Variants in LPCAT1 observed in about 807,000 individuals in gnomAD.
The protein encoded by LPCAT1 is 1-acylglycerol-3-phosphate O-acyltransferase.
A neutral mutation model predicts 60.9 loss-of-function variants in LPCAT1; 23 were observed. That is an observed-to-expected ratio of 0.38 (90% confidence interval 0.27 to 0.53). LPCAT1 has a LOEUF of 0.53. Among genes scored for constraint, LPCAT1 ranks in the 20% least tolerant of loss-of-function variants. The probability of loss-of-function intolerance (pLI) is 0.82; values close to 1 mark genes in which losing one functional copy is unlikely to be tolerated. For missense variants in LPCAT1, 622 were observed against 723.6 expected, an observed-to-expected ratio of 0.86 and a Z score of 1.61; for synonymous variants, 340 against 301.1, an observed-to-expected ratio of 1.13 and a Z score of -1.34.
Position 1,484,992 on chromosome 5 carries a change from G to A in LPCAT1, c.668-1506C>T, listed in dbSNP as rs144932942. ...CCCAGGCTCAAGCCCCAGCTCCAACGCCCGGCAGCCGAGTCCCAGCCCCTG... is the reference window on the plus strand; with the variant it reads ...CCCAGGCTCAAGCCCCAGCTCCAACACCCGGCAGCCGAGTCCCAGCCCCTG... On this transcript the variant is annotated intron_variant, in intron 5 of 13. Coordinates refer to ENST00000283415, the MANE Select transcript of LPCAT1 (RefSeq NM_024830.5). Among the ~76,000 whole-genome samples, 604 of 152,308 alleles carry A rather than the reference G, an allele frequency of 4.0e-3. 4 individuals are homozygous for A. Among genetic ancestry groups the A allele is most frequent in the African/African-American group, 0.014 (569 of 41,560 alleles).
intron 3 of LPCAT1, among the ~76,000 whole-genome samples, chr5:1,490,760 G>C (rs1318523964): frequency 6.6e-6 from 1 of 152,234 alleles, no homozygotes; most frequent in Non-Finnish European, 1.5e-5. Context: ...CTTTATGCAA[G>C]AGGATTGAAC....
intron 1 of LPCAT1, chr5:1,510,668 G>A (rs1028709654): frequency 6.6e-6 from 1 of 152,354 alleles, no homozygotes; most frequent in African/African-American, 2.4e-5. Context: ...CAGCTCCCCT[G>A]TGAGCCAGCT....
At chr5:1,473,873 T>TA in intron 11 of LPCAT1, 84 bp downstream of exon 11, 1 of 1,496,066 alleles carries the variant, frequency 6.7e-7, no homozygotes, top group South Asian at 1.3e-5. Context: ...TGTGAAAATA[T>TA]ATTTATATTA....
rs542810128 is a variant in LPCAT1 at position 1,495,110 on chromosome 5, C to T, written c.279-196G>A. ...TTCCTGGCCTCCGCCTGTGTCCTCG[C>T]TGGCTGCGCTCTCACCTACGAAGGA... On this transcript the variant is annotated intron_variant, in intron 2 of 13. Coordinates refer to ENST00000283415, the MANE Select transcript of LPCAT1 (RefSeq NM_024830.5). The surrounding 1 kb of genome is among the most constrained non-coding windows in gnomAD (Gnocchi z 4.7). 6.6e-6 allele frequency among the ~76,000 whole-genome samples: 1 copy of T among 152,332 alleles called. No individual in the cohort carries two copies. Among genetic ancestry groups the T allele is most frequent in the East Asian group, 1.9e-4 (1 of 5,162 alleles).
chr5:1,510,565 T>C (rs918628733), intron 1 of LPCAT1, among the ~76,000 whole-genome samples: 2 of 152,256 alleles, frequency 1.3e-5, no homozygotes, highest in African/African-American at 4.8e-5. Flanking sequence ...ACGAGGATGC[T>C]GCACGGTGTT....
chr5:1,485,789 A>G (rs1735349436), intron 5 of LPCAT1, among the ~76,000 whole-genome samples: 1 of 151,684 alleles, frequency 6.6e-6, no homozygotes, highest in Non-Finnish European at 1.5e-5. Context: ...AGCCACATCC[A>G]TGTCTGCTCA....
rs1736038825 is a variant in LPCAT1 at position 1,502,133 on chromosome 5, G to A, written c.136-530C>T. Among the ~76,000 whole-genome samples the A allele has an allele frequency of 6.6e-6, 1 of 152,194 alleles. No individual in the cohort carries two copies. The highest frequency in any genetic ancestry group is 6.5e-5 in the Admixed American group (1 of 15,292). On this transcript the variant is annotated intron_variant, in intron 1 of 13. Transcript: ENST00000283415. The surrounding 1 kb of genome is among the most constrained non-coding windows in gnomAD (Gnocchi z 5.5). ...CTGCCCGCTTCCTGCCTCCTTACTG[G>A]AGCTGCCATGCGAGTGGCTTGGGAA... is the stretch of plus-strand genomic sequence containing the variant.
rs1271172692 is a variant in LPCAT1, at chr5:1,483,242, C to T, written c.726+186G>A. Reference sequence around the variant, plus strand: ...AGGCCGCACTCAGGAACGTGCCGAGCCCAGGGCCCGGGCCTGTCCTGCCCT... The same window carrying T: ...AGGCCGCACTCAGGAACGTGCCGAGTCCAGGGCCCGGGCCTGTCCTGCCCT... On this transcript the variant is annotated intron_variant, in intron 6 of 13. Transcript: ENST00000283415. The surrounding 1 kb of genome is among the most constrained non-coding windows in gnomAD (Gnocchi z 9.2). 6.6e-6 allele frequency among the ~76,000 whole-genome samples: 1 copy of T among 152,152 alleles called. No homozygotes were observed. The highest frequency in any genetic ancestry group is 1.5e-5 in the Non-Finnish European group (1 of 68,014).
intron 6 of LPCAT1, among the ~76,000 whole-genome samples, chr5:1,482,056 C>T (rs560819109): frequency 4.6e-5 from 7 of 152,286 alleles, no homozygotes; most frequent in South Asian, 2.1e-4. Flanking sequence ...ACGGGAAGCT[C>T]GCTGTGATGG....
rs1205953680 is a variant in LPCAT1, at chr5:1,477,532, C to A, written c.817-46G>T. The stretch of plus-strand genomic sequence containing the variant: ...CGTTAGTATCACAAGACGCTGACCT[C>A]AGCAACACCACTGTAACGACAACTG... On this transcript the variant is annotated intron_variant, in intron 8 of 13. Coordinates refer to ENST00000283415, the MANE Select transcript of LPCAT1 (RefSeq NM_024830.5). This position sits in a 1 kb window ranked among gnomAD's most constrained non-coding sequence, Gnocchi z 6.0. The A allele has an allele frequency of 7.2e-6, 10 of 1,394,154 alleles. No individual in the cohort carries two copies. The highest frequency in any genetic ancestry group is 1.0e-5 in the Non-Finnish European group (10 of 988,282). 86.4% of individuals were successfully genotyped at this position (1,394,154 alleles called of 1,614,324 possible).
At position 1,522,544 on chromosome 5, in the gene LPCAT1, C is replaced by T. The variant is rs1451529638; in HGVS notation, c.135+1166G>A. 6.6e-6 allele frequency among the ~76,000 whole-genome samples: 1 copy of T among 152,156 alleles called. No individual in the cohort carries two copies. The highest frequency in any genetic ancestry group is 2.4e-5 in the African/African-American group (1 of 41,420). Reference sequence around the variant, plus strand: ...GGCACCATCGGGCTCTCCTGCTCCCCGTCCCCTTCCATACCCTGAGGACCA... The same window carrying T: ...GGCACCATCGGGCTCTCCTGCTCCCTGTCCCCTTCCATACCCTGAGGACCA... On this transcript the variant is annotated intron_variant, in intron 1 of 13. Transcript: ENST00000283415. This position sits in a 1 kb window ranked among gnomAD's most constrained non-coding sequence, Gnocchi z 6.8.
At chr5:1,508,679 T>C (rs910974470) in intron 1 of LPCAT1, among the ~76,000 whole-genome samples, 6 of 152,212 alleles carry the variant, frequency 3.9e-5, no homozygotes, top group African/African-American at 1.4e-4. Flanking sequence ...ACTTGACATA[T>C]GTTTGAAATT....
At chr5:1,491,653 G>A (rs116666228) in intron 3 of LPCAT1, among the ~76,000 whole-genome samples, 1,727 of 152,250 alleles carry the variant, frequency 0.011, 40 homozygotes, top group African/African-American at 0.039. Flanking sequence ...GTGTCACCAC[G>A]CCGTGTGCAC....
rs1286786547 is a variant in LPCAT1 at position 1,495,084 on chromosome 5, C to T, written c.279-170G>A. On this transcript the variant is annotated intron_variant, in intron 2 of 13. Transcript: ENST00000283415. The surrounding 1 kb of genome is among the most constrained non-coding windows in gnomAD (Gnocchi z 4.7). ...CTTGAGGGAAGAAAAGACGCCGCGCCTTCCTGGCCTCCGCCTGTGTCCTCG... is the reference window on the plus strand; with the variant it reads ...CTTGAGGGAAGAAAAGACGCCGCGCTTTCCTGGCCTCCGCCTGTGTCCTCG... Among the ~76,000 whole-genome samples, 1 of 152,210 alleles carries T rather than the reference C, an allele frequency of 6.6e-6. No individual in the cohort carries two copies. The highest frequency in any genetic ancestry group is 1.5e-5 in the Non-Finnish European group (1 of 68,034).
intron 11 of LPCAT1, among the ~76,000 whole-genome samples, chr5:1,472,501 G>A (rs1048113839): frequency 6.6e-6 from 1 of 152,068 alleles, no homozygotes; most frequent in Non-Finnish European, 1.5e-5. Context: ...TCGGGCTGGG[G>A]GTCTGAGGTC....
intron 12 of LPCAT1, among the ~76,000 whole-genome samples, chr5:1,467,740 G>A (rs1207429938): frequency 3.3e-5 from 5 of 151,206 alleles, no homozygotes; most frequent in Admixed American, 2.6e-4. Context: ...CGGGCTCTGT[G>A]GCAGCGCTTT....
chr5:1,496,090 G>A lies in LPCAT1; in HGVS notation c.279-1176C>T, dbSNP rs921712494. The stretch of plus-strand genomic sequence containing the variant: ...AAATGTACTTTTCTGGCCAGGCATG[G>A]TGGCTCACGCCTGTAATCACAGCAC... On this transcript the variant is annotated intron_variant, in intron 2 of 13. Coordinates refer to ENST00000283415, the MANE Select transcript of LPCAT1 (RefSeq NM_024830.5). This position sits in a 1 kb window ranked among gnomAD's most constrained non-coding sequence, Gnocchi z 4.7. 6.6e-5 allele frequency among the ~76,000 whole-genome samples: 10 copies of A among 152,222 alleles called. No individual in the cohort carries two copies. The highest frequency in any genetic ancestry group is 2.4e-4 in the African/African-American group (10 of 41,462).
Position 1,462,296 on chromosome 5 carries a change from A to T in LPCAT1, c.*1355T>A, listed in dbSNP as rs80030792. The T allele has an allele frequency of 8.5e-5, 13 of 152,686 alleles. No homozygotes were observed. Among genetic ancestry groups the T allele is most frequent in the Non-Finnish European group, 1.5e-4 (10 of 68,018 alleles). 9.5% of individuals were successfully genotyped at this position (152,686 alleles called of 1,614,324 possible). ...CTGTGATGATTATTGTGCTTGAAGG[A>T]TGGGTTTCTAATTCTGTCATAAAAA... On this transcript the variant is annotated 3_prime_UTR_variant, in exon 14 of 14. Coordinates refer to ENST00000283415, the MANE Select transcript of LPCAT1 (RefSeq NM_024830.5).
chr5:1,519,654 G>C (rs1736611423), intron 1 of LPCAT1, among the ~76,000 whole-genome samples: 1 of 152,222 alleles, frequency 6.6e-6, no homozygotes, highest in Non-Finnish European at 1.5e-5. Flanking sequence ...CTGGGCCTCT[G>C]TGTCCTCACC....
Sources: allele counts gnomAD v4.1 joint callset (sites outside exome capture counted in the v4.1 genomes callset), GRCh38; gene constraint gnomAD v4.1.1; non-coding constraint Gnocchi (gnomAD v3.1); transcripts MANE v1.5; gene names NCBI Gene and HGNC (gene_info 2026-07-23, HGNC 2026-07-21).